PEAK1: variants seen among roughly 807,000 people sequenced by gnomAD.
PEAK1 encodes inactive tyrosine-protein kinase PEAK1.
PEAK1 carries 54 observed loss-of-function variants against 124.7 expected under a neutral mutation model. The observed-to-expected ratio is 0.43, with a 90% CI of 0.35 to 0.54. The LOEUF is 0.54. PEAK1 is among the 20% of genes least tolerant of loss of function. The probability of loss-of-function intolerance (pLI) is 0.01; values close to 1 mark genes in which losing one functional copy is unlikely to be tolerated. For synonymous variants in PEAK1, 719 were observed against 760.0 expected, an observed-to-expected ratio of 0.95 and a Z score of 0.89; for missense variants, 2,046 against 2,134.5, an observed-to-expected ratio of 0.96 and a Z score of 0.82.
chr15:77,256,319 A>G (rs1264760131), intron 5 of PEAK1, among the ~76,000 whole-genome samples: 1 of 152,112 alleles, frequency 6.6e-6, no homozygotes, highest in East Asian at 1.9e-4. Flanking sequence ...AACCTTTGAC[A>G]CTATATAATC....
At chr15:77,159,572 T>C (rs1280436206) in intron 7 of PEAK1, among the ~76,000 whole-genome samples, 1 of 152,208 alleles carries the variant, frequency 6.6e-6, no homozygotes, top group Non-Finnish European at 1.5e-5. Flanking sequence ...TAAAGTTTGC[T>C]GGGCCCACTG....
chr15:77,165,488 C>A (rs116291423), intron 7 of PEAK1, among the ~76,000 whole-genome samples: 1 of 152,152 alleles, frequency 6.6e-6, no homozygotes, highest in Non-Finnish European at 1.5e-5. Context: ...TGAGCCACTG[C>A]GCCCGACCCT....
At chr15:77,411,869 C>T (rs928740605) in intron 1 of PEAK1, among the ~76,000 whole-genome samples, 8 of 152,172 alleles carry the variant, frequency 5.3e-5, no homozygotes, top group African/African-American at 1.9e-4. Flanking sequence ...GCCTCATCCT[C>T]CAAAAGAGCT....
At chr15:77,259,512 G>C (rs1302332589) in intron 5 of PEAK1, among the ~76,000 whole-genome samples, 1 of 152,090 alleles carries the variant, frequency 6.6e-6, no homozygotes, top group Non-Finnish European at 1.5e-5. Context: ...ACAATACTGA[G>C]AAAAAGTACA....
chr15:77,280,924 C>T (rs866386646), intron 5 of PEAK1, among the ~76,000 whole-genome samples: 15 of 151,966 alleles, frequency 9.9e-5, no homozygotes, highest in African/African-American at 3.1e-4. Flanking sequence ...TTTGGGAGGC[C>T]GAGGTAGGTG....
intron 1 of PEAK1, among the ~76,000 whole-genome samples, chr15:77,408,487 T>C (rs905522402): frequency 2.0e-5 from 3 of 151,680 alleles, no homozygotes; most frequent in African/African-American, 7.3e-5. Context: ...ACTAAAGAAC[T>C]TATCTGTGTA....
At chr15:77,376,053 A>G (rs1272053305) in intron 1 of PEAK1, among the ~76,000 whole-genome samples, 1 of 150,368 alleles carries the variant, frequency 6.7e-6, no homozygotes, top group Non-Finnish European at 1.5e-5. Context: ...ATGTAATAAT[A>G]AAAATAAATG....
chr15:77,255,070 A>G (rs1475804079), intron 5 of PEAK1, among the ~76,000 whole-genome samples: 1 of 152,204 alleles, frequency 6.6e-6, no homozygotes, highest in East Asian at 1.9e-4. Flanking sequence ...AAGATTTAGG[A>G]GTAGAATTTT....
At chr15:77,175,870 T>C (rs2056829926) in intron 7 of PEAK1, among the ~76,000 whole-genome samples, 2 of 152,178 alleles carry the variant, frequency 1.3e-5, no homozygotes, top group African/African-American at 4.8e-5. Flanking sequence ...CCAACAACGA[T>C]AGACTGGATT....
intron 5 of PEAK1, among the ~76,000 whole-genome samples, chr15:77,270,029 T>C (rs977151625): frequency 4.6e-5 from 7 of 152,228 alleles, no homozygotes; most frequent in African/African-American, 1.4e-4. Context: ...CACTGTGGTC[T>C]GAGAGATAGT....
intron 2 of PEAK1, among the ~76,000 whole-genome samples, chr15:77,338,984 T>C (rs2066369504): frequency 6.6e-6 from 1 of 152,162 alleles, no homozygotes; most frequent in African/African-American, 2.4e-5. Context: ...AATGTTAAGA[T>C]GAAATTTTAA....
At chr15:77,400,206 G>A (rs1285704920) in intron 1 of PEAK1, among the ~76,000 whole-genome samples, 1 of 152,002 alleles carries the variant, frequency 6.6e-6, no homozygotes, top group East Asian at 1.9e-4. Context: ...CATTGTTTGG[G>A]GAAATGTAAA....
At position 77,179,976 on chromosome 15, in the gene PEAK1, G is replaced by A. The variant is rs778666630; in HGVS notation, c.1951C>T (p.Leu651Phe). 3.7e-6 allele frequency: 6 copies of A among 1,613,954 alleles called. No homozygotes were observed. The Admixed American group carries it at 8.3e-5, about 22-fold the overall frequency. Residue 651 changes from leucine (L) to phenylalanine (F), a missense_variant, in exon 7 of 10, where the codon CTC becomes TTC. Coordinates refer to ENST00000682557, the MANE Select transcript of PEAK1 (RefSeq NM_001385026.1). ...CTTGTGGTTTTTTCCTTCACTGAGA[G>A]TTCTCCACTTGTTCCCAGAAAACTT... Reference protein sequence around the residue: ...YKSFLGTSGELSVKEKTTSVI... With the variant: ...YKSFLGTSGEFSVKEKTTSVI...
At chr15:77,369,409 C>T (rs1054959948) in intron 1 of PEAK1, among the ~76,000 whole-genome samples, 8 of 152,116 alleles carry the variant, frequency 5.3e-5, no homozygotes, top group African/African-American at 1.9e-4. Context: ...GGGAAAACAC[C>T]ATCACCAAGT....
chr15:77,151,826 T>G (rs1369889119), intron 8 of PEAK1, among the ~76,000 whole-genome samples: 2 of 152,208 alleles, frequency 1.3e-5, no homozygotes, highest in African/African-American at 2.4e-5. Flanking sequence ...GTTGTAGATA[T>G]GTGGCGTTAT....
intron 6 of PEAK1, among the ~76,000 whole-genome samples, chr15:77,250,121 T>A (rs900954626): frequency 7.2e-6 from 1 of 138,230 alleles, no homozygotes; most frequent in Non-Finnish European, 1.5e-5. Context: ...TTAGAGATTT[T>A]TTTTTAAAGA....
chr15:77,332,390 G>A, intron 2 of PEAK1: 5 of 363,604 alleles, frequency 1.4e-5, no homozygotes, highest in Non-Finnish European at 1.9e-5. Context: ...ACGAGGTCAG[G>A]AGATTGAGAT....
intron 6 of PEAK1, among the ~76,000 whole-genome samples, chr15:77,245,389 T>C (rs1567160520): frequency 6.6e-6 from 1 of 151,972 alleles, no homozygotes; most frequent in Admixed American, 6.6e-5. Flanking sequence ...TGTCTAACTC[T>C]TCTTGTACCA....
intron 6 of PEAK1, among the ~76,000 whole-genome samples, chr15:77,217,359 T>C (rs980483345): frequency 1.3e-5 from 2 of 151,818 alleles, no homozygotes; most frequent in Non-Finnish European, 2.9e-5. Context: ...ATGACAACAG[T>C]TTTTTGGGAT....
Sources: allele counts gnomAD v4.1 joint callset (sites outside exome capture counted in the v4.1 genomes callset), GRCh38; gene constraint gnomAD v4.1.1; transcripts MANE v1.5; gene names NCBI Gene and HGNC (gene_info 2026-07-23, HGNC 2026-07-21).